RPH3A: variants seen among roughly 807,000 people sequenced by gnomAD.
RPH3A encodes the protein rabphilin 3A, also known as rabphilin-3A.
A neutral mutation model predicts 102.2 loss-of-function variants in RPH3A; 48 were observed. That is an observed-to-expected ratio of 0.47 (90% CI 0.37 to 0.60). The LOEUF (loss-of-function observed/expected upper bound fraction) is 0.60. Ranked by LOEUF, RPH3A falls within the 20% of genes least tolerant of loss-of-function variation. The probability of loss-of-function intolerance (pLI) is 0.00; values close to 1 mark genes in which losing one functional copy is unlikely to be tolerated. For synonymous variants in RPH3A, 310 were observed against 324.3 expected, an observed-to-expected ratio of 0.96 and a Z score of 0.47; for missense variants, 781 against 910.1, an observed-to-expected ratio of 0.86 and a Z score of 1.83.
intron 1 of RPH3A, among the ~76,000 whole-genome samples, chr12:112,703,494 T>G (rs2040408482): frequency 6.6e-6 from 1 of 152,162 alleles, no homozygotes; most frequent in Non-Finnish European, 1.5e-5. Flanking sequence ...AACAAAAATT[T>G]TGGACAGAAA....
chr12:112,721,874 C>A (rs1463928392), intron 1 of RPH3A, among the ~76,000 whole-genome samples: 1 of 152,086 alleles, frequency 6.6e-6, no homozygotes, highest in Non-Finnish European at 1.5e-5. Context: ...AAGTTTATGT[C>A]TCCAATTTTC....
At chr12:112,874,418 A>C (rs1448174988) in intron 10 of RPH3A, among the ~76,000 whole-genome samples, 1 of 152,198 alleles carries the variant, frequency 6.6e-6, no homozygotes, top group Non-Finnish European at 1.5e-5. Context: ...CCACCCCATA[A>C]GGTTATTAGT....
At chr12:112,712,925 C>CTTCTTCTTCTTCTTCCTCT (rs1565856803) in intron 1 of RPH3A, among the ~76,000 whole-genome samples, 4 of 94,528 alleles carry the variant, frequency 4.2e-5, no homozygotes, top group African/African-American at 1.4e-4. Flanking sequence ...CTTCTTCTTC[C>CTTCTTCTTCTTCTTCCTCT]TCTTCTTCTT....
At chr12:112,836,264 A>T (rs1186922238) in intron 3 of RPH3A, among the ~76,000 whole-genome samples, 2 of 152,256 alleles carry the variant, frequency 1.3e-5, no homozygotes, top group African/African-American at 4.8e-5. Context: ...TTAATAAGCC[A>T]AACTGGCTGG....
intron 14 of RPH3A, among the ~76,000 whole-genome samples, chr12:112,880,029 G>A (rs550997807): frequency 1.3e-5 from 2 of 152,230 alleles, no homozygotes; most frequent in Non-Finnish European, 2.9e-5. Flanking sequence ...CTGTTGCCTC[G>A]CTATAATAAT....
At chr12:112,584,004 ATAAATTAAAGGGC>A (rs2039419924) in intron 1 of RPH3A, among the ~76,000 whole-genome samples, 3 of 152,134 alleles carry the variant, frequency 2.0e-5, no homozygotes. Context: ...AAATAAATAC[ATAAATTAAAGGGC>A]TAAATTATAG....
chr12:112,876,706 G>A lies in RPH3A; in HGVS notation c.1011G>A (p.Gly337=), dbSNP rs762584446. Residue 337 remains glycine (G), a synonymous_variant, in exon 13 of 22, where the codon GGG becomes GGA. Coordinates refer to ENST00000389385, the MANE Select transcript of RPH3A (RefSeq NM_001143854.2). ...PPREERTGGV[G]GYPAVGARED... ...GAGAGGAGAGAACAGGGGGAGTCGG[G>A]GGCTACCCAGCAGTTGGAGCCAGAG... 6.2e-7 allele frequency: 1 copy of A among 1,613,404 alleles called. No homozygotes were observed. The highest frequency in any genetic ancestry group is 2.2e-5 in the East Asian group (1 of 44,850).
chr12:112,840,228 A>G lies in RPH3A; in HGVS notation c.83+3726A>G, dbSNP rs151156042. Among the ~76,000 whole-genome samples the G allele has an allele frequency of 3.8e-4, 58 of 152,222 alleles. 1 individual carries two copies. The highest frequency in any genetic ancestry group is 1.4e-3 in the African/African-American group (57 of 41,536). ...AAAATAGTTTACATATTTTTGGGGT[A>G]CATGTGATATTTTGGTACCTATATA... On this transcript the variant is annotated intron_variant, in intron 4 of 21. Transcript: ENST00000389385.
At chr12:112,710,352 G>A (rs1489758903) in intron 1 of RPH3A, among the ~76,000 whole-genome samples, 1 of 152,146 alleles carries the variant, frequency 6.6e-6, no homozygotes, top group Non-Finnish European at 1.5e-5. Flanking sequence ...GGCAAACTGG[G>A]ACTGTTGATT....
At chr12:112,748,263 T>C (rs1399198143) in intron 1 of RPH3A, among the ~76,000 whole-genome samples, 1 of 152,176 alleles carries the variant, frequency 6.6e-6, no homozygotes, top group Non-Finnish European at 1.5e-5. Context: ...CCCAGACGTG[T>C]ATGGCTATAC....
chr12:112,621,420 C>T (rs1434012593), intron 1 of RPH3A, among the ~76,000 whole-genome samples: 1 of 149,322 alleles, frequency 6.7e-6, no homozygotes, highest in East Asian at 2.0e-4. Flanking sequence ...CAGGGAGTTC[C>T]CTTTCCGAGT....
chr12:112,708,578 T>C lies in RPH3A; in HGVS notation c.-139-83565T>C, dbSNP rs143884834. Among the ~76,000 whole-genome samples, 281 of 152,232 alleles carry C rather than the reference T, an allele frequency of 1.8e-3. 1 individual carries two copies. Among genetic ancestry groups the C allele is most frequent in the African/African-American group, 6.3e-3 (263 of 41,538 alleles). On this transcript the variant is annotated intron_variant, in intron 1 of 21. Coordinates refer to the RPH3A transcript ENST00000543106. ...GGGAGCAAAGCAGTGGGGTTGTGGG[T>C]CCATTTGCTCCTCCAGAGGGACACC...
chr12:112,657,802 A>G (rs1358154714), intron 1 of RPH3A, among the ~76,000 whole-genome samples: 1 of 152,186 alleles, frequency 6.6e-6, no homozygotes, highest in East Asian at 1.9e-4. Context: ...GTGGGTAGGG[A>G]GTGCTGAGAT....
At chr12:112,776,303 A>T (rs2040964696) in intron 1 of RPH3A, among the ~76,000 whole-genome samples, 1 of 152,292 alleles carries the variant, frequency 6.6e-6, no homozygotes, top group East Asian at 1.9e-4. Flanking sequence ...AAACCACTAC[A>T]AAAAACCCCC....
intron 10 of RPH3A, among the ~76,000 whole-genome samples, chr12:112,871,402 G>A (rs927558760): frequency 6.6e-6 from 1 of 152,110 alleles, no homozygotes; most frequent in Admixed American, 6.6e-5. Flanking sequence ...TGTATCTGTG[G>A]TTTTGACTAC....
At chr12:112,768,426 G>T (rs1380215178) in intron 1 of RPH3A, among the ~76,000 whole-genome samples, 1 of 152,158 alleles carries the variant, frequency 6.6e-6, no homozygotes, top group Non-Finnish European at 1.5e-5. Flanking sequence ...TGTCCTCTCT[G>T]CTCCAGCCAT....
At position 112,771,053 on chromosome 12, in the gene RPH3A, A is replaced by C. The variant is rs1364223263; in HGVS notation, c.-139-21090A>C. On this transcript the variant is annotated intron_variant, in intron 1 of 21. Transcript: ENST00000543106. The stretch of plus-strand genomic sequence containing the variant: ...GGTACAAGTGGTTGCAAATTAAAGG[A>C]GTAGAAAGAATACAAGGTTAAACCC... Among the ~76,000 whole-genome samples the C allele has an allele frequency of 2.6e-5, 4 of 152,338 alleles. No homozygotes were observed. The East Asian group carries it at 7.7e-4, about 29-fold the overall frequency.
rs145885522 is a variant in RPH3A, at chr12:112,628,063, C to T, written c.-140+52744C>T. On this transcript the variant is annotated intron_variant, in intron 1 of 21. Transcript: ENST00000543106. ...AAGAACTCACTCACTGTCACAAGAA[C>T]GGCAAGAGGGAAATTCACCCCCATG... 1.4e-3 allele frequency among the ~76,000 whole-genome samples: 210 copies of T among 152,144 alleles called. 2 individuals are homozygous for T. Among genetic ancestry groups the T allele is most frequent in the African/African-American group, 4.9e-3 (203 of 41,494 alleles).
At chr12:112,596,066 G>C (rs781521119) in intron 1 of RPH3A, among the ~76,000 whole-genome samples, 1 of 152,258 alleles carries the variant, frequency 6.6e-6, no homozygotes, top group South Asian at 2.1e-4. Context: ...GTGGACGAAG[G>C]GTGGGTTCTC....
Sources: allele counts gnomAD v4.1 joint callset (sites outside exome capture counted in the v4.1 genomes callset), GRCh38; gene constraint gnomAD v4.1.1; transcripts MANE v1.5; gene names NCBI Gene and HGNC (gene_info 2026-07-23, HGNC 2026-07-21).